ALDH1L2: variants seen among roughly 807,000 people sequenced by gnomAD.
ALDH1L2 encodes the protein mitochondrial 10-formyltetrahydrofolate dehydrogenase.
ALDH1L2 carries 91 observed loss-of-function variants against 111.0 expected under a neutral mutation model. That is an observed-to-expected ratio of 0.82 (90% confidence interval 0.69 to 0.98). The LOEUF is 0.98. Among genes scored for constraint, ALDH1L2 ranks in the 50% least tolerant of loss-of-function variants. The pLI is 0.00. For missense variants in ALDH1L2, 995 were observed against 1,126.8 expected (o/e 0.88, Z 1.67); for synonymous variants, 374 against 392.6 (o/e 0.95, Z 0.56).
intron 22 of ALDH1L2, 21 bp from the exon 23 acceptor site, chr12:105,024,500 T>G: frequency 6.2e-7 from 1 of 1,612,148 alleles, no homozygotes; most frequent in Non-Finnish European, 8.5e-7. Context: ...GAAAAGCAGT[T>G]GACAGACCAC....
chr12:105,061,656 C>T lies in ALDH1L2; in HGVS notation c.1018G>A (p.Glu340Lys). 1.9e-6 allele frequency: 3 copies of T among 1,614,180 alleles called. No individual in the cohort carries two copies. Among genetic ancestry groups the T allele is most frequent in the Non-Finnish European group, 2.5e-6 (3 of 1,180,036 alleles). Residue 340 changes from glutamate (E) to lysine (K), a missense_variant, in exon 8 of 23, where the codon GAA (glutamate) becomes AAA (lysine). Coordinates refer to ENST00000258494, the MANE Select transcript of ALDH1L2 (RefSeq NM_001034173.4). The part of the protein sequence containing the change: ...GETSVVELTA[E>K]EVKVAETIKV... The stretch of plus-strand genomic sequence containing the variant: ...ATGGTCTCTGCCACTTTCACCTCTT[C>T]AGCTGTCAGTTCTACCACTGACGTC...
rs144708499 is a variant in ALDH1L2 at position 105,075,481 on chromosome 12, A to C, written c.49-1476T>G. ...GCATCTGTAATCCCAGCTACTCGGG[A>C]GGCTGAGGTAGGAAAATTGCTTGAA... On this transcript the variant is annotated intron_variant, in intron 1 of 22. Transcript: ENST00000258494. Among the ~76,000 whole-genome samples the C allele has an allele frequency of 4.1e-3, 632 of 152,308 alleles. 9 individuals are homozygous for C. The highest frequency in any genetic ancestry group is 0.014 in the African/African-American group (593 of 41,576).
intron 3 of ALDH1L2, 39 bp from the exon 4 acceptor site, chr12:105,068,923 C>T (rs773467899): frequency 3.4e-6 from 5 of 1,458,982 alleles, no homozygotes. Flanking sequence ...TGTTGGTTAA[C>T]TGTATCATAA....
Position 105,058,149 on chromosome 12 carries a change from TTGG to T in ALDH1L2, c.1208_1210del (p.Thr403del). The T allele has an allele frequency of 6.2e-7, 1 of 1,613,828 alleles. No homozygotes were observed. Among genetic ancestry groups the T allele is most frequent in the Non-Finnish European group, 8.5e-7 (1 of 1,179,890 alleles). On this transcript the variant is annotated inframe_deletion, in exon 10 of 23. Transcript: ENST00000258494. ...GACCTTTTGGATAAAGCCTTCAAAC[TTGG>T]TGGCCATATAGACATCTTCATTCTG...
chr12:105,028,870 TC>T, intron 21 of ALDH1L2, among the ~76,000 whole-genome samples: 1 of 152,194 alleles, frequency 6.6e-6, no homozygotes, highest in Non-Finnish European at 1.5e-5. Flanking sequence ...CAAACCATAC[TC>T]TATTATTTGC....
chr12:105,056,896 G>C (rs1876661363), intron 10 of ALDH1L2, among the ~76,000 whole-genome samples: 1 of 151,206 alleles, frequency 6.6e-6, no homozygotes, highest in African/African-American at 2.4e-5. Flanking sequence ...AGCACAAGTG[G>C]CAAAAGAACA....
intron 15 of ALDH1L2, among the ~76,000 whole-genome samples, chr12:105,043,853 G>A (rs1448077256): frequency 1.3e-5 from 2 of 152,142 alleles, no homozygotes; most frequent in Non-Finnish European, 2.9e-5. Context: ...AATAAAGTCA[G>A]AACTTGTCAC....
At chr12:105,064,000 C>T (rs1174347003) in intron 6 of ALDH1L2, among the ~76,000 whole-genome samples, 1 of 139,542 alleles carries the variant, frequency 7.2e-6, no homozygotes, top group Non-Finnish European at 1.5e-5. Flanking sequence ...GAGTCTTGCT[C>T]TGTCACCCAG....
chr12:105,024,027 C>T lies in ALDH1L2; in HGVS notation c.*397G>A, dbSNP rs891625302. On this transcript the variant is annotated 3_prime_UTR_variant, in exon 23 of 23. Coordinates refer to ENST00000258494, the MANE Select transcript of ALDH1L2 (RefSeq NM_001034173.4). Reference sequence around the variant, plus strand: ...GACTTATAGAAAATCTTTTTAATAACCCCCTATGTATAGTTCAGAGGTTAA... The same window carrying T: ...GACTTATAGAAAATCTTTTTAATAATCCCCTATGTATAGTTCAGAGGTTAA... The T allele has an allele frequency of 2.3e-5, 4 of 176,910 alleles. No homozygotes were observed. In the South Asian group the frequency reaches 5.1e-4, roughly 22 times the overall value. 11.0% of individuals were successfully genotyped at this position (176,910 alleles called of 1,614,324 possible).
intron 19 of ALDH1L2, among the ~76,000 whole-genome samples, chr12:105,033,789 G>A (rs762298924): frequency 2.6e-5 from 4 of 152,126 alleles, no homozygotes; most frequent in African/African-American, 7.2e-5. Flanking sequence ...CATGTCAACC[G>A]CAATTGGGGA....
intron 16 of ALDH1L2, among the ~76,000 whole-genome samples, chr12:105,040,140 A>C (rs951965676): frequency 1.3e-4 from 19 of 151,518 alleles, no homozygotes; most frequent in African/African-American, 3.6e-4. Flanking sequence ...AAAAAAAAAA[A>C]AAAAAAAAAA....
chr12:105,063,967 C>CTTT (rs201497480), intron 6 of ALDH1L2, among the ~76,000 whole-genome samples: 4 of 135,510 alleles, frequency 3.0e-5, no homozygotes, highest in Non-Finnish European at 4.7e-5. Context: ...TGTATTAATT[C>CTTT]TTTTTTTTTT....
chr12:105,036,948 G>T (rs1875189539), intron 18 of ALDH1L2, among the ~76,000 whole-genome samples: 1 of 152,174 alleles, frequency 6.6e-6, no homozygotes, highest in African/African-American at 2.4e-5. Context: ...GGCCGCAGGG[G>T]TACTTGGTTC....
chr12:105,049,869 G>T (rs1175339457), intron 13 of ALDH1L2, 39 bp downstream of exon 13: 2 of 1,582,268 alleles, frequency 1.3e-6, no homozygotes, highest in Admixed American at 3.5e-5. Context: ...ATCAATGTTA[G>T]TCCCTTTTTC....
chr12:105,058,006 G>A lies in ALDH1L2; in HGVS notation c.1287+67C>T, dbSNP rs929545944. On this transcript the variant is annotated intron_variant, in intron 10 of 22. Transcript: ENST00000258494. ...AAATATAAAAACAAATGGGCAACAGGCACAGCAGTCTTTTATAGTGTATGG... is the reference window on the plus strand; with the variant it reads ...AAATATAAAAACAAATGGGCAACAGACACAGCAGTCTTTTATAGTGTATGG... 3.6e-5 allele frequency: 53 copies of A among 1,466,798 alleles called. No individual in the cohort carries two copies. The African/African-American group carries it at 5.8e-4, about 16-fold the overall frequency. 90.9% of individuals were successfully genotyped at this position (1,466,798 alleles called of 1,614,324 possible).
In ALDH1L2 at chr12:105,068,626, G is replaced by A. The variant is rs1057177869; in HGVS notation, c.594+93C>T. 2.5e-6 allele frequency: 3 copies of A among 1,198,746 alleles called. No individual in the cohort carries two copies. In the African/African-American group the frequency reaches 4.8e-5, roughly 19 times the overall value. The allele number at this position is 1,198,746 out of a possible 1,614,324, so 74.3% of individuals were successfully genotyped here. A position where few individuals can be genotyped will look rare whatever the true frequency, so the allele number is the denominator to read the frequency against. On this transcript the variant is annotated intron_variant, in intron 4 of 22. Coordinates refer to ENST00000258494, the MANE Select transcript of ALDH1L2 (RefSeq NM_001034173.4). ...TTTGTTTTTAAACTTTATATTTTTG[G>A]TGAAAATTCATATGGATAATTTCTT...
intron 15 of ALDH1L2, among the ~76,000 whole-genome samples, chr12:105,041,450 A>G (rs1253206831): frequency 6.6e-6 from 1 of 152,236 alleles, no homozygotes; most frequent in Non-Finnish European, 1.5e-5. Flanking sequence ...AATAGTTCCA[A>G]TACTGGAAAG....
At chr12:105,068,405 C>G (rs1473332053) in intron 4 of ALDH1L2, among the ~76,000 whole-genome samples, 1 of 151,936 alleles carries the variant, frequency 6.6e-6, no homozygotes, top group African/African-American at 2.4e-5. Context: ...AAGATTCAAT[C>G]TACTTCTTTA....
Position 105,050,046 on chromosome 12 carries a change from T to C in ALDH1L2, c.1548A>G (p.Leu516=). 1 of 1,601,636 alleles carries C rather than the reference T, an allele frequency of 6.2e-7. No homozygotes were observed. Among genetic ancestry groups the C allele is most frequent in the Non-Finnish European group, 8.5e-7 (1 of 1,174,538 alleles). ...CCAGCTCTTCTTGGTTCTCTTCCAG[T>C]AGGTCTGCAAGTCTGTGTGGTCAGT... is the stretch of plus-strand genomic sequence containing the variant. ...RGRLMYRLAD[L]LEENQEELAT... is the part of the protein sequence containing the mutation. Residue 516 remains leucine, a synonymous_variant, in exon 13 of 23, where the codon CTA becomes CTG. Coordinates refer to ENST00000258494, the MANE Select transcript of ALDH1L2 (RefSeq NM_001034173.4).
Sources: allele counts gnomAD v4.1 joint callset (sites outside exome capture counted in the v4.1 genomes callset), GRCh38; gene constraint gnomAD v4.1.1; transcripts MANE v1.5; gene names NCBI Gene and HGNC (gene_info 2026-07-23, HGNC 2026-07-21).